Variants in NPSR1 observed in about 807,000 individuals in gnomAD.
NPSR1 encodes the protein neuropeptide S receptor 1, also known as neuropeptide S receptor.
Under a neutral mutation model 46.9 loss-of-function variants are expected in NPSR1, and 48 were observed. The ratio of observed to expected loss-of-function variants is 1.02; its 90% confidence interval spans 0.81 to 1.30. The LOEUF is 1.30. Among genes scored for constraint, NPSR1 ranks in the 50% most tolerant of loss-of-function variants. The pLI is 0.00. For missense variants in NPSR1, 450 were observed against 449.5 expected (o/e 1.00, Z -0.01); for synonymous variants, 176 against 168.1 (o/e 1.05, Z -0.36).
intron 3 of NPSR1, among the ~76,000 whole-genome samples, chr7:34,782,397 C>T (rs2128738828): frequency 6.6e-6 from 1 of 152,246 alleles, no homozygotes; most frequent in African/African-American, 2.4e-5. Context: ...TCAGAAGAAC[C>T]TTAGCAGCCA....
chr7:34,690,794 A>C (rs1793210475), intron 2 of NPSR1, among the ~76,000 whole-genome samples: 1 of 152,196 alleles, frequency 6.6e-6, no homozygotes, highest in African/African-American at 2.4e-5. Context: ...AAAAGTATGG[A>C]AAACCTATTT....
At chr7:34,791,243 GTTATATGTTATATA>G (rs1787861814) in intron 3 of NPSR1, among the ~76,000 whole-genome samples, 1 of 99,628 alleles carries the variant, frequency 1.0e-5, no homozygotes, top group Non-Finnish European at 2.0e-5. Flanking sequence ...TATTATATAT[GTTATATGTTATATA>G]TTATATGTTA....
intron 2 of NPSR1, among the ~76,000 whole-genome samples, chr7:34,694,164 A>T (rs1303317389): frequency 6.6e-6 from 1 of 152,192 alleles, no homozygotes; most frequent in Non-Finnish European, 1.5e-5. Flanking sequence ...ATCAGGCAAG[A>T]AAAAGAAATG....
At chr7:34,798,772 A>T (rs1039602401) in intron 3 of NPSR1, among the ~76,000 whole-genome samples, 2 of 152,210 alleles carry the variant, frequency 1.3e-5, no homozygotes, top group Non-Finnish European at 2.9e-5. Context: ...TACACAAAGT[A>T]TACTCTCAGA....
intron 2 of NPSR1, among the ~76,000 whole-genome samples, chr7:34,705,599 ATCTCTCTC>A (rs60599463): frequency 1.0e-4 from 15 of 147,300 alleles, no homozygotes; most frequent in South Asian, 2.2e-4. Context: ...ATGTATGTTG[ATCTCTCTC>A]TCTCTCTCTC....
At chr7:34,810,577 G>A (rs1220347749) in intron 3 of NPSR1, among the ~76,000 whole-genome samples, 3 of 152,146 alleles carry the variant, frequency 2.0e-5, no homozygotes, top group South Asian at 2.1e-4. Context: ...ATTCAACACC[G>A]CACATAGGCT....
At chr7:34,868,586 A>G (rs12534138) in intron 8 of NPSR1, among the ~76,000 whole-genome samples, 12,951 of 151,496 alleles carry the variant, frequency 0.085, 1,729 homozygotes, top group African/African-American at 0.26. Flanking sequence ...GTCAGGGTGA[A>G]CTTGCTCTCG....
rs550857441 is a variant in NPSR1 at position 34,673,645 on chromosome 7, C to T, written c.148-10907C>T. ...AGAAGGCCTCTGTCAGCTTGTCTTG[C>T]CAGTCTCCAGACAAGTCTAGAGGCA... On this transcript the variant is annotated intron_variant, in intron 1 of 8. Coordinates refer to ENST00000360581, the MANE Select transcript of NPSR1 (RefSeq NM_207172.2). Among the ~76,000 whole-genome samples the T allele has an allele frequency of 2.0e-4, 30 of 152,268 alleles. 1 individual carries two copies. The highest frequency in any genetic ancestry group is 3.4e-4 in the African/African-American group (14 of 41,562).
At chr7:34,733,308 T>A (rs951585068) in intron 2 of NPSR1, among the ~76,000 whole-genome samples, 1 of 151,378 alleles carries the variant, frequency 6.6e-6, no homozygotes, top group African/African-American at 2.4e-5. Flanking sequence ...TAATCCCAGC[T>A]ACTGGGAGGC....
At chr7:34,849,401 C>G in intron 8 of NPSR1, 164 bp from the exon 9 acceptor site, 1 of 1,556,200 alleles carries the variant, frequency 6.4e-7, no homozygotes. Context: ...AGAAGGAGAG[C>G]TGTGAGTCAT....
At position 34,811,809 on chromosome 7, in the gene NPSR1, C is replaced by T. The variant is rs1788999374; in HGVS notation, c.424C>T (p.Leu142Phe). Residue 142 changes from leucine (L) to phenylalanine (F), a missense_variant, in exon 4 of 9, where the codon CTC becomes TTC. By Grantham distance (22) the Leu-to-Phe change is conservative. Coordinates refer to ENST00000360581, the MANE Select transcript of NPSR1 (RefSeq NM_207172.2). ...LYASTYVLVS[L>F]SIDRYHAIVY... ...CGCCTCTACCTACGTCCTGGTGTCCCTCAGCATAGACAGATACCATGCCAT... is the reference window on the plus strand; with the variant it reads ...CGCCTCTACCTACGTCCTGGTGTCCTTCAGCATAGACAGATACCATGCCAT... 1 of 1,613,188 alleles carries T rather than the reference C, an allele frequency of 6.2e-7. No individual in the cohort carries two copies. The highest frequency in any genetic ancestry group is 8.5e-7 in the Non-Finnish European group (1 of 1,179,842).
intron 8 of NPSR1, among the ~76,000 whole-genome samples, chr7:34,856,639 C>T (rs1242758852): frequency 2.6e-5 from 4 of 151,460 alleles, no homozygotes; most frequent in Non-Finnish European, 5.9e-5. Context: ...AACAATGGTC[C>T]AGGACAGAGT....
intron 1 of NPSR1, among the ~76,000 whole-genome samples, chr7:34,661,711 G>A (rs1322543141): frequency 6.6e-6 from 1 of 152,130 alleles, no homozygotes; most frequent in Non-Finnish European, 1.5e-5. Context: ...TCCACCATGG[G>A]CCTTGTGTAA....
At chr7:34,803,864 A>G (rs1024846360) in intron 3 of NPSR1, among the ~76,000 whole-genome samples, 21 of 152,150 alleles carry the variant, frequency 1.4e-4, no homozygotes, top group Admixed American at 7.2e-4. Flanking sequence ...TAAATACCAT[A>G]AACAACTCTA....
intron 8 of NPSR1, among the ~76,000 whole-genome samples, chr7:34,856,472 C>G (rs1791049608): frequency 6.6e-6 from 1 of 151,694 alleles, no homozygotes; most frequent in Non-Finnish European, 1.5e-5. Flanking sequence ...AAATTTATTA[C>G]TCCTATGCAC....
chr7:34,808,111 C>T (rs1049411783), intron 3 of NPSR1, among the ~76,000 whole-genome samples: 4 of 152,010 alleles, frequency 2.6e-5, no homozygotes, highest in Non-Finnish European at 5.9e-5. Context: ...GAGCTTGGGC[C>T]GATATGGTCA....
chr7:34,823,213 A>T (rs1789643880), intron 4 of NPSR1, among the ~76,000 whole-genome samples: 1 of 152,046 alleles, frequency 6.6e-6, no homozygotes, highest in South Asian at 2.1e-4. Flanking sequence ...CAACATAGTG[A>T]AACCCTGTCT....
intron 4 of NPSR1, among the ~76,000 whole-genome samples, chr7:34,815,001 G>T (rs539795549): frequency 6.6e-6 from 1 of 152,164 alleles, no homozygotes; most frequent in Non-Finnish European, 1.5e-5. Flanking sequence ...AAATCAGAGC[G>T]CCTCTTCTCC....
chr7:34,856,667 C>T (rs1286334992), intron 8 of NPSR1, among the ~76,000 whole-genome samples: 2 of 151,792 alleles, frequency 1.3e-5, no homozygotes, highest in African/African-American at 4.9e-5. Context: ...ACTCACAGAG[C>T]AGACTTTTGT....
Sources: allele counts gnomAD v4.1 joint callset (sites outside exome capture counted in the v4.1 genomes callset), GRCh38; gene constraint gnomAD v4.1.1; transcripts MANE v1.5; gene names NCBI Gene and HGNC (gene_info 2026-07-23, HGNC 2026-07-21).